The following PINX1 variants were observed in gnomAD, a reference collection of about 807,000 sequenced individuals.
PINX1 encodes PIN2 (TERF1) interacting telomerase inhibitor 1, also known as PIN2/TERF1-interacting telomerase inhibitor 1.
Under a neutral mutation model 25.4 loss-of-function variants are expected in PINX1, and 34 were observed. That is an observed-to-expected ratio of 1.34 (90% CI 1.02 to 1.78). The LOEUF is 1.78. Ranked by LOEUF, PINX1 falls within the 40% of genes most tolerant of loss-of-function variation. The pLI is 0.00. For synonymous variants in PINX1, 197 were observed against 147.7 expected (o/e 1.33, Z -2.42); for missense variants, 592 against 404.9 (o/e 1.46, Z -3.97).
intron 6 of PINX1, among the ~76,000 whole-genome samples, chr8:10,766,875 G>A (rs900330736): frequency 1.3e-5 from 2 of 152,158 alleles, no homozygotes; most frequent in Non-Finnish European, 1.5e-5. Flanking sequence ...TGCTGGAATC[G>A]CCATTTGGGC....
chr8:10,778,087 G>A (rs1007054662), intron 6 of PINX1, among the ~76,000 whole-genome samples: 4 of 152,078 alleles, frequency 2.6e-5, no homozygotes, highest in Admixed American at 6.5e-5. Flanking sequence ...GTGAATCCAA[G>A]GATTACACTC....
At chr8:10,771,675 A>C (rs561133208) in intron 6 of PINX1, among the ~76,000 whole-genome samples, 2 of 152,124 alleles carry the variant, frequency 1.3e-5, no homozygotes, top group African/African-American at 4.8e-5. Flanking sequence ...ACCACCACCC[A>C]CTGGCCCCAA....
chr8:10,839,698 A>T (rs771021952), intron 1 of PINX1, 40 bp downstream of exon 1: 1 of 1,590,328 alleles, frequency 6.3e-7, no homozygotes, highest in African/African-American at 1.3e-5. Context: ...CGGCATCTTC[A>T]CCAACGCGCC....
At position 10,820,215 on chromosome 8, in the gene PINX1, C is replaced by CT. The variant is rs1475229440; in HGVS notation, c.448dup (p.Arg150LysfsTer4). The CT allele has an allele frequency of 6.2e-7, 1 of 1,612,188 alleles. No individual in the cohort carries two copies. The highest frequency in any genetic ancestry group is 1.1e-5 in the South Asian group (1 of 90,966). ...TACCTCGGGAGTCTTCTTACTCTGT[C>CT]TTTTCCCAAAAATGCAGTCAAGATC... On this transcript the variant is annotated frameshift_variant, in exon 6 of 7. Coordinates refer to ENST00000314787, the MANE Select transcript of PINX1 (RefSeq NM_017884.6). LOFTEE classifies it low-confidence loss of function (END_TRUNC).
At chr8:10,779,723 T>C (rs1170550882) in intron 6 of PINX1, among the ~76,000 whole-genome samples, 1 of 152,220 alleles carries the variant, frequency 6.6e-6, no homozygotes, top group African/African-American at 2.4e-5. Context: ...GTTAAGTACT[T>C]GTGGTCCTAA....
Position 10,838,202 on chromosome 8 carries a change from T to C in PINX1, c.19+1536A>G, listed in dbSNP as rs77590138. Among the ~76,000 whole-genome samples the C allele has an allele frequency of 5.1e-4, 77 of 152,366 alleles. 1 individual carries two copies. The East Asian group carries it at 6.0e-3, about 12-fold the overall frequency. On this transcript the variant is annotated intron_variant, in intron 1 of 6. Coordinates refer to ENST00000314787, the MANE Select transcript of PINX1 (RefSeq NM_017884.6). ...ATTCTTTGCTCAATCAAACTCTGTATAATTTGTCTAAGGTTTTTCTTCTTA... is the reference window on the plus strand; with the variant it reads ...ATTCTTTGCTCAATCAAACTCTGTACAATTTGTCTAAGGTTTTTCTTCTTA...
chr8:10,798,389 G>A (rs1269989705), intron 6 of PINX1, among the ~76,000 whole-genome samples: 1 of 152,236 alleles, frequency 6.6e-6, no homozygotes, highest in Admixed American at 6.5e-5. Context: ...AAATCAGAAT[G>A]AGACTGTGGC....
intron 5 of PINX1, among the ~76,000 whole-genome samples, chr8:10,824,892 T>C (rs1353730997): frequency 1.3e-5 from 2 of 152,214 alleles, no homozygotes; most frequent in East Asian, 1.9e-4. Flanking sequence ...AGTGAGCATG[T>C]ACCCTCTCTT....
At chr8:10,839,713 TCG>T (rs1563244523) in intron 1 of PINX1, 23 bp downstream of exon 1, 1 of 1,598,654 alleles carries the variant, frequency 6.3e-7, no homozygotes, top group Non-Finnish European at 8.5e-7. Flanking sequence ...CGCGCCTGGG[TCG>T]GGCCTCCGCT....
At chr8:10,818,392 C>T (rs957913732) in intron 6 of PINX1, among the ~76,000 whole-genome samples, 1 of 152,194 alleles carries the variant, frequency 6.6e-6, no homozygotes, top group African/African-American at 2.4e-5. Flanking sequence ...AACCTCAAGG[C>T]ACCCAACACC....
chr8:10,775,122 ACTG>A (rs936914217), intron 6 of PINX1, among the ~76,000 whole-genome samples: 1 of 152,226 alleles, frequency 6.6e-6, no homozygotes, highest in African/African-American at 2.4e-5. Flanking sequence ...AAAAATTGTT[ACTG>A]CTATTAAATA....
At chr8:10,787,706 C>T (rs1399356260) in intron 6 of PINX1, 2 of 408,034 alleles carry the variant, frequency 4.9e-6, no homozygotes, top group Non-Finnish European at 4.8e-6. Context: ...TAAAGTGAGT[C>T]AGTGTACGGT....
chr8:10,794,666 C>T (rs1291996724), intron 6 of PINX1, among the ~76,000 whole-genome samples: 1 of 152,138 alleles, frequency 6.6e-6, no homozygotes, highest in Non-Finnish European at 1.5e-5. Flanking sequence ...ACCTTGTGAT[C>T]CGTCCGATCA....
At chr8:10,773,585 G>C (rs1801297796) in intron 6 of PINX1, among the ~76,000 whole-genome samples, 1 of 152,192 alleles carries the variant, frequency 6.6e-6, no homozygotes, top group South Asian at 2.1e-4. Flanking sequence ...CTTTAGTAGA[G>C]AAATACACAG....
chr8:10,826,489 T>C (rs1363593970), intron 4 of PINX1, among the ~76,000 whole-genome samples: 1 of 152,206 alleles, frequency 6.6e-6, no homozygotes, highest in Non-Finnish European at 1.5e-5. Flanking sequence ...CTCCAGAAAT[T>C]TAGAAAATCC....
rs546317641 is a variant in PINX1 at position 10,792,567 on chromosome 8, C to G, written c.472-26651G>C. 7.9e-5 allele frequency among the ~76,000 whole-genome samples: 12 copies of G among 152,180 alleles called. No individual in the cohort carries two copies. The East Asian group carries it at 2.1e-3, about 27-fold the overall frequency. On this transcript the variant is annotated intron_variant, in intron 6 of 6. Transcript: ENST00000314787. ...CACTCAGGAGTGGTTCTGGGAGAAACAGATGAAGTAAAGCAGTTTACAACA... is the reference window on the plus strand; with the variant it reads ...CACTCAGGAGTGGTTCTGGGAGAAAGAGATGAAGTAAAGCAGTTTACAACA...
chr8:10,792,553 G>A (rs1370604855), intron 6 of PINX1, among the ~76,000 whole-genome samples: 4 of 152,086 alleles, frequency 2.6e-5, no homozygotes, highest in Non-Finnish European at 5.9e-5. Context: ...ACTCAGGAGT[G>A]GTTCTGGGAG....
intron 5 of PINX1, among the ~76,000 whole-genome samples, chr8:10,821,211 C>T (rs1586194915): frequency 6.6e-6 from 1 of 152,240 alleles, no homozygotes; most frequent in African/African-American, 2.4e-5. Flanking sequence ...CACTTGTCTT[C>T]TTGGTTTCCT....
chr8:10,803,720 C>T (rs1473892373), intron 6 of PINX1, among the ~76,000 whole-genome samples: 1 of 152,224 alleles, frequency 6.6e-6, no homozygotes, highest in African/African-American at 2.4e-5. Context: ...ACAAGGTCTG[C>T]TTGTTCTACT....
Sources: gnomAD v4.1 joint callset for allele counts (sites outside exome capture counted in the v4.1 genomes callset) on GRCh38, gnomAD v4.1.1 for gene constraint, MANE v1.5 for transcripts, NCBI Gene and HGNC (gene_info 2026-07-23, HGNC 2026-07-21) for gene names.